RHCG: variants seen among roughly 807,000 people sequenced by gnomAD.
The protein encoded by RHCG is Rh family C glycoprotein.
In RHCG, 39 loss-of-function variants were observed where a neutral mutation model predicts 55.3. The ratio of observed to expected loss-of-function variants is 0.70; its 90% CI spans 0.55 to 0.92. RHCG has a LOEUF of 0.92. Ranked by LOEUF, RHCG falls within the 40% of genes least tolerant of loss-of-function variation. The probability of loss-of-function intolerance (pLI) is 0.00; values close to 1 mark genes in which losing one functional copy is unlikely to be tolerated. For missense variants in RHCG, 635 were observed against 627.9 expected (o/e 1.01, Z -0.12); for synonymous variants, 250 against 246.8 (o/e 1.01, Z -0.12).
intron 9 of RHCG, among the ~76,000 whole-genome samples, chr15:89,476,368 G>T (rs1327505754): frequency 6.6e-6 from 1 of 152,182 alleles, no homozygotes; most frequent in East Asian, 1.9e-4. Context: ...GCACCCATGA[G>T]AATTTGCATT....
intron 9 of RHCG, among the ~76,000 whole-genome samples, chr15:89,474,956 TCCTG>T (rs1452977257): frequency 7.5e-6 from 1 of 133,156 alleles, no homozygotes; most frequent in Non-Finnish European, 1.5e-5. Context: ...CTTCATTCAT[TCCTG>T]CCTGCCTGCC....
rs114368556 is a variant in RHCG, at chr15:89,492,019, T to C, written c.184+4342A>G. Reference sequence around the variant, plus strand: ...AATTGCCCCATCATATAAGTTATTATTTCTCTTTTCCTCTTTCAAGACTGA... The same window carrying C: ...AATTGCCCCATCATATAAGTTATTACTTCTCTTTTCCTCTTTCAAGACTGA... On this transcript the variant is annotated intron_variant, in intron 1 of 10. Transcript: ENST00000268122. Among the ~76,000 whole-genome samples, 376 of 152,292 alleles carry C rather than the reference T, an allele frequency of 2.5e-3. 1 individual carries two copies. The highest frequency in any genetic ancestry group is 8.6e-3 in the African/African-American group (357 of 41,572).
intron 5 of RHCG, 139 bp from the exon 6 acceptor site, chr15:89,478,113 G>T: frequency 8.8e-7 from 1 of 1,139,052 alleles, no homozygotes; most frequent in Non-Finnish European, 1.2e-6. Context: ...ACCTCAGCAA[G>T]CCAGGAGCCT....
chr15:89,483,138 G>T lies in RHCG; in HGVS notation c.451C>A (p.Leu151Met). The T allele has an allele frequency of 6.2e-7, 1 of 1,608,196 alleles. No homozygotes were observed. Among genetic ancestry groups the T allele is most frequent in the Non-Finnish European group, 8.5e-7 (1 of 1,175,162 alleles). Reference protein sequence around the residue: ...AVLGKVSPIQLLIMTFFQVTL... With the variant: ...AVLGKVSPIQMLIMTFFQVTL... ...ACTTGGAAGAAAGTCATGATGAGCA[G>T]CTGAATGGGGCTGACTTTACCCAGA... The change falls in exon 3 of 11, where the codon CTG becomes ATG. Residue 151 changes from leucine (L) to methionine (M), a missense_variant. Coordinates refer to ENST00000268122, the MANE Select transcript of RHCG (RefSeq NM_016321.3).
chr15:89,494,518 G>A (rs1468693631), intron 1 of RHCG, among the ~76,000 whole-genome samples: 1 of 152,160 alleles, frequency 6.6e-6, no homozygotes, highest in Non-Finnish European at 1.5e-5. Flanking sequence ...TGAAAGGTGG[G>A]TGGGCAAGTG....
Position 89,477,618 on chromosome 15 carries a change from T to A in RHCG, c.1011A>T (p.Thr337=). Residue 337 remains threonine, a synonymous_variant, in exon 7 of 11, where the codon ACA becomes ACT. Coordinates refer to ENST00000268122, the MANE Select transcript of RHCG (RefSeq NM_016321.3). The surrounding 1 kb of genome is among the most constrained non-coding windows in gnomAD (Gnocchi z 4.5). ...TGCCATGCAGATTGTTAATGCCACATGTGTCCTGGATGTGCAGCCGGGACT... is the reference window on the plus strand; with the variant it reads ...TGCCATGCAGATTGTTAATGCCACAAGTGTCCTGGATGTGCAGCCGGGACT... The part of the protein sequence containing the change: ...FLESRLHIQD[T]CGINNLHGIP... 1.2e-6 allele frequency: 2 copies of A among 1,614,090 alleles called. No homozygotes were observed. Among genetic ancestry groups the A allele is most frequent in the Non-Finnish European group, 1.7e-6 (2 of 1,180,022 alleles).
chr15:89,477,353 A>G lies in RHCG; in HGVS notation c.1113-147T>C, dbSNP rs1424811056. The G allele has an allele frequency of 1.3e-4, 184 of 1,421,476 alleles. 1 individual carries two copies. The East Asian group carries it at 4.2e-3, about 33-fold the overall frequency. The allele number at this position is 1,421,476 out of a possible 1,614,324, so 88.1% of individuals were successfully genotyped here. ...ACCGGACATATCAGTTGGCCTCTAA[A>G]ACTCTAAGGGACAGAGTTTGGGGAG... is the stretch of plus-strand genomic sequence containing the variant. On this transcript the variant is annotated intron_variant, in intron 7 of 10. Transcript: ENST00000268122. The surrounding 1 kb of genome is among the most constrained non-coding windows in gnomAD (Gnocchi z 4.5).
chr15:89,491,040 C>T (rs983999564), intron 1 of RHCG, among the ~76,000 whole-genome samples: 17 of 152,036 alleles, frequency 1.1e-4, no homozygotes, highest in Non-Finnish European at 2.4e-4. Flanking sequence ...GGGGTCCTTT[C>T]GATGAGAAGG....
intron 3 of RHCG, 114 bp from the exon 4 acceptor site, chr15:89,480,522 C>T: frequency 3.9e-6 from 5 of 1,296,590 alleles, no homozygotes; most frequent in Non-Finnish European, 5.4e-6. Context: ...TCGGACTCTT[C>T]AGGGTGCAGG....
Position 89,472,782 on chromosome 15 carries a change from T to TGGGTACTGA in RHCG, c.1384_1392dup (p.Ser462_Pro464dup). 1.9e-6 allele frequency: 3 copies of TGGGTACTGA among 1,578,044 alleles called. No homozygotes were observed. The highest frequency in any genetic ancestry group is 2.6e-6 in the Non-Finnish European group (3 of 1,161,544). On this transcript the variant is annotated inframe_insertion, in exon 10 of 11. Transcript: ENST00000268122. ...GAAGCCATGGGTAGTGGGGACACCA[T>TGGGTACTGA]GGGTACTGAGGGTACTGAGGGTCCT...
At chr15:89,482,828 A>T (rs920622134) in intron 3 of RHCG, among the ~76,000 whole-genome samples, 3 of 152,214 alleles carry the variant, frequency 2.0e-5, no homozygotes, top group African/African-American at 7.2e-5. Flanking sequence ...GGAGGGGGAA[A>T]AAAACAACAT....
Position 89,477,989 on chromosome 15 carries a change from C to A in RHCG, c.838-15G>T. ...TGGATGTGCACCTGGGCAGGGCAGG[C>A]AGAGCAGGCAGGAACTCAGTCCTCT... On this transcript the variant is annotated splice_polypyrimidine_tract_variant and intron_variant, in intron 5 of 10. Coordinates refer to ENST00000268122, the MANE Select transcript of RHCG (RefSeq NM_016321.3). The surrounding 1 kb of genome is among the most constrained non-coding windows in gnomAD (Gnocchi z 4.5). 6.3e-7 allele frequency: 1 copy of A among 1,593,464 alleles called. No individual in the cohort carries two copies. Among genetic ancestry groups the A allele is most frequent in the Non-Finnish European group, 8.6e-7 (1 of 1,167,164 alleles).
chr15:89,480,157 G>A, intron 4 of RHCG, 104 bp downstream of exon 4: 2 of 1,466,382 alleles, frequency 1.4e-6, no homozygotes, highest in East Asian at 4.5e-5. Flanking sequence ...TGATCATGGT[G>A]GCCTTCACCC....
intron 1 of RHCG, among the ~76,000 whole-genome samples, 195 bp from the exon 2 acceptor site, chr15:89,487,180 G>T (rs554579977): frequency 2.0e-5 from 3 of 152,174 alleles, no homozygotes; most frequent in Non-Finnish European, 4.4e-5. Context: ...GTAACGCTGC[G>T]GGCAGAGCCT....
rs1015099065 is a variant in RHCG at position 89,477,891 on chromosome 15, G to T, written c.921C>A (p.Leu307=). ...AEMMLMPYGA[L]IIGFVCGIIS... Reference sequence around the variant, plus strand: ...TGATGCCGCAGACGAAGCCGATGATGAGGGCACCGTAAGGCATGAGCATCA... The same window carrying T: ...TGATGCCGCAGACGAAGCCGATGATTAGGGCACCGTAAGGCATGAGCATCA... Residue 307 remains leucine (L), a synonymous_variant, in exon 6 of 11, where the codon CTC becomes CTA. Transcript: ENST00000268122. This position sits in a 1 kb window ranked among gnomAD's most constrained non-coding sequence, Gnocchi z 4.5. The T allele has an allele frequency of 6.2e-7, 1 of 1,614,074 alleles. No individual in the cohort carries two copies. Among genetic ancestry groups the T allele is most frequent in the East Asian group, 2.2e-5 (1 of 44,878 alleles).
At position 89,471,828 on chromosome 15, in the gene RHCG, C is replaced by G. The variant is rs1247941344; in HGVS notation, c.*52G>C. 2 of 152,662 alleles carry G rather than the reference C, an allele frequency of 1.3e-5. No homozygotes were observed. The highest frequency in any genetic ancestry group is 4.8e-5 in the African/African-American group (2 of 41,458). The allele number at this position is 152,662 out of a possible 1,614,324, so 9.5% of individuals were successfully genotyped here. A position where few individuals can be genotyped will look rare whatever the true frequency, so the allele number is the denominator to read the frequency against. On this transcript the variant is annotated 3_prime_UTR_variant, in exon 11 of 11. Coordinates refer to ENST00000268122, the MANE Select transcript of RHCG (RefSeq NM_016321.3). ...TCCCTAGCTAGGTCAGCACCAGCTC[C>G]TCTGGGCCCCAGGACAGTCTGTGGA...
In RHCG at chr15:89,487,005, C is replaced by T. The variant is rs376154508; in HGVS notation, c.185-20G>A. Reference sequence around the variant, plus strand: ...GGAAGCCTGCGGGGACAGTGCAGCCCGGGACTCGGTGGTCTGGCGAAGGTT... The same window carrying T: ...GGAAGCCTGCGGGGACAGTGCAGCCTGGGACTCGGTGGTCTGGCGAAGGTT... On this transcript the variant is annotated intron_variant, in intron 1 of 10. Transcript: ENST00000268122. 298 of 1,542,022 alleles carry T rather than the reference C, an allele frequency of 1.9e-4. 1 individual carries two copies. The South Asian group carries it at 2.2e-3, about 11-fold the overall frequency.
Position 89,477,968 on chromosome 15 carries a change from T to C in RHCG, c.844A>G (p.Ile282Val), listed in dbSNP as rs762243245. The change falls in exon 6 of 11, where the codon ATC (isoleucine) becomes GTC (valine). Residue 282 changes from isoleucine (I) to valine (V), a missense_variant. By Grantham distance (29) the Ile-to-Val change is conservative. Transcript: ENST00000268122. The surrounding 1 kb of genome is among the most constrained non-coding windows in gnomAD (Gnocchi z 4.5). ...CCTCCTGCGAGCGTGGCATTCTGGA[T>C]GTGCACCTGGGCAGGGCAGGCAGAG... ...HKKGKLDMVHIQNATLAGGVA... is the reference protein window; with the variant it reads ...HKKGKLDMVHVQNATLAGGVA... 1 of 1,607,236 alleles carries C rather than the reference T, an allele frequency of 6.2e-7. No individual in the cohort carries two copies. The highest frequency in any genetic ancestry group is 2.2e-5 in the East Asian group (1 of 44,716).
rs370457008 is a variant in RHCG, at chr15:89,477,221, G to T, written c.1113-15C>A. 15 of 1,613,686 alleles carry T rather than the reference G, an allele frequency of 9.3e-6. No homozygotes were observed. The African/African-American group carries it at 1.7e-4, about 19-fold the overall frequency. On this transcript the variant is annotated splice_polypyrimidine_tract_variant and intron_variant, in intron 7 of 10. Coordinates refer to ENST00000268122, the MANE Select transcript of RHCG (RefSeq NM_016321.3). This position sits in a 1 kb window ranked among gnomAD's most constrained non-coding sequence, Gnocchi z 4.5. Reference sequence around the variant, plus strand: ...AATGGACAAGCCTGGGGTGGAGACAGGGGGCAGGTCAGGGCCCCATGGAGA... The same window carrying T: ...AATGGACAAGCCTGGGGTGGAGACATGGGGCAGGTCAGGGCCCCATGGAGA...
Sources: gnomAD v4.1 joint callset for allele counts (sites outside exome capture counted in the v4.1 genomes callset) on GRCh38, gnomAD v4.1.1 for gene constraint, Gnocchi (gnomAD v3.1) non-coding constraint, MANE v1.5 for transcripts, NCBI Gene and HGNC (gene_info 2026-07-23, HGNC 2026-07-21) for gene names.